Variants in MBD5 observed in about 807,000 individuals in gnomAD.
The protein encoded by MBD5 is methyl-CpG-binding domain protein 5.
In MBD5, 13 loss-of-function variants were observed where a neutral mutation model predicts 117.3. The ratio of observed to expected loss-of-function variants is 0.11; its 90% CI spans 0.07 to 0.18. MBD5 has a LOEUF of 0.18. Among genes scored for constraint, MBD5 ranks in the 10% least tolerant of loss-of-function variants. The pLI is 1.00. For missense variants in MBD5, 1,879 were observed against 2,093.8 expected, an observed-to-expected ratio of 0.90 and a Z score of 2.00; for synonymous variants, 727 against 766.4, an observed-to-expected ratio of 0.95 and a Z score of 0.85.
intron 3 of MBD5, among the ~76,000 whole-genome samples, chr2:148,262,019 A>G (rs1345867078): frequency 6.6e-6 from 1 of 152,294 alleles, no homozygotes; most frequent in East Asian, 1.9e-4. Flanking sequence ...GTGGCACCCC[A>G]AAACAGTTAC....
chr2:148,305,178 T>C (rs1701864921), intron 3 of MBD5, among the ~76,000 whole-genome samples: 1 of 152,110 alleles, frequency 6.6e-6, no homozygotes, highest in African/African-American at 2.4e-5. Context: ...GACTAAACAG[T>C]CAGAGTCACT....
At chr2:148,174,879 CTG>C (rs1311343800) in intron 1 of MBD5, among the ~76,000 whole-genome samples, 1 of 151,840 alleles carries the variant, frequency 6.6e-6, no homozygotes, top group East Asian at 1.9e-4. Context: ...ATGTGGAAAA[CTG>C]TGTGAAGGTT....
At chr2:148,329,489 T>A (rs935988647) in intron 3 of MBD5, among the ~76,000 whole-genome samples, 4 of 152,208 alleles carry the variant, frequency 2.6e-5, no homozygotes, top group African/African-American at 9.7e-5. Context: ...GTTTTATTTA[T>A]AAATAATAAA....
intron 3 of MBD5, among the ~76,000 whole-genome samples, chr2:148,252,876 A>G (rs967349397): frequency 1.3e-5 from 2 of 152,228 alleles, no homozygotes; most frequent in Non-Finnish European, 2.9e-5. Flanking sequence ...TTTAACAAAT[A>G]TCTAGCCATG....
intron 1 of MBD5, among the ~76,000 whole-genome samples, chr2:148,151,739 G>A (rs936020642): frequency 2.0e-5 from 3 of 152,198 alleles, no homozygotes; most frequent in East Asian, 3.9e-4. Flanking sequence ...AGAGGTGTTT[G>A]TAGTATTCTC....
chr2:148,382,321 CAG>C (rs911608036), intron 4 of MBD5, among the ~76,000 whole-genome samples: 56 of 152,234 alleles, frequency 3.7e-4, no homozygotes, highest in African/African-American at 1.3e-3. Flanking sequence ...TCGGATAAAA[CAG>C]ACTTTAAAAC....
intron 4 of MBD5, among the ~76,000 whole-genome samples, chr2:148,423,100 G>A (rs78744977): frequency 1.3e-5 from 2 of 152,016 alleles, no homozygotes; most frequent in Admixed American, 1.3e-4. Flanking sequence ...GATACTCCTC[G>A]AGAAGAGCAA....
chr2:148,148,102 G>A (rs1362961620), intron 1 of MBD5, among the ~76,000 whole-genome samples: 2 of 152,088 alleles, frequency 1.3e-5, no homozygotes, highest in Non-Finnish European at 2.9e-5. Context: ...AGTTGCCACT[G>A]ATTATTTTTG....
intron 1 of MBD5, among the ~76,000 whole-genome samples, chr2:148,098,701 C>T (rs558907970): frequency 2.4e-4 from 37 of 152,142 alleles, no homozygotes; most frequent in African/African-American, 8.9e-4. Flanking sequence ...TCAGAAGTCC[C>T]GTGGTGATTC....
chr2:148,028,081 A>G (rs1393632704), intron 1 of MBD5: 1 of 152,080 alleles, frequency 6.6e-6, no homozygotes, highest in African/African-American at 2.4e-5. Flanking sequence ...GGCTTAACTT[A>G]TATTATGGTA....
intron 1 of MBD5, among the ~76,000 whole-genome samples, chr2:148,128,315 A>G (rs1365945685): frequency 6.6e-6 from 1 of 152,214 alleles, no homozygotes; most frequent in Admixed American, 6.5e-5. Flanking sequence ...AAGCATGTCT[A>G]CATATATTAC....
At chr2:148,226,579 G>A (rs1558980550) in intron 2 of MBD5, among the ~76,000 whole-genome samples, 1 of 152,186 alleles carries the variant, frequency 6.6e-6, no homozygotes, top group Non-Finnish European at 1.5e-5. Context: ...ACATACGTGT[G>A]CATGTGTCTT....
chr2:148,074,486 T>G (rs901412212), intron 1 of MBD5, among the ~76,000 whole-genome samples: 24 of 134,262 alleles, frequency 1.8e-4, no homozygotes, highest in African/African-American at 2.3e-4. Flanking sequence ...AATAGTTTGT[T>G]TTTTTTTTGT....
chr2:148,501,467 G>A (rs1681869749), intron 11 of MBD5, among the ~76,000 whole-genome samples: 1 of 152,162 alleles, frequency 6.6e-6, no homozygotes, highest in East Asian at 1.9e-4. Flanking sequence ...TTGAAACTAT[G>A]CTTACATACC....
intron 3 of MBD5, among the ~76,000 whole-genome samples, chr2:148,296,864 A>ACTT (rs1701665621): frequency 1.6e-5 from 1 of 61,310 alleles, no homozygotes; most frequent in African/African-American, 5.6e-5. Context: ...TAGTTCTTCA[A>ACTT]TTTTTTTTTT....
intron 1 of MBD5, among the ~76,000 whole-genome samples, chr2:148,086,225 T>C (rs1695788666): frequency 2.0e-5 from 3 of 151,946 alleles, no homozygotes; most frequent in Non-Finnish European, 2.9e-5. Flanking sequence ...TCTGAAACTT[T>C]ACTGGCCCTG....
At chr2:148,451,218 A>G (rs1418964756) in intron 4 of MBD5, among the ~76,000 whole-genome samples, 2 of 152,154 alleles carry the variant, frequency 1.3e-5, no homozygotes, top group African/African-American at 2.4e-5. Flanking sequence ...AGCCTGGCAG[A>G]GTTATTGGAT....
chr2:148,245,746 AT>A (rs1466395345), intron 3 of MBD5, among the ~76,000 whole-genome samples: 1 of 152,232 alleles, frequency 6.6e-6, no homozygotes, highest in African/African-American at 2.4e-5. Context: ...CCCACCATTA[AT>A]CACCTTATAG....
rs922991958 is a variant in MBD5 at position 148,152,840 on chromosome 2, C to A, written c.-924-25860C>A. On this transcript the variant is annotated intron_variant, in intron 1 of 13. Transcript: ENST00000642680. ...TTTTGAGCATATGTGTGTCTCTGCA[C>A]GTGAGATGGGTTTACTGAATACAGC... Among the ~76,000 whole-genome samples the A allele has an allele frequency of 3.3e-5, 5 of 151,856 alleles. No homozygotes were observed. In the East Asian group the frequency reaches 9.7e-4, roughly 29 times the overall value.
Sources: gnomAD v4.1 joint callset for allele counts (sites outside exome capture counted in the v4.1 genomes callset) on GRCh38, gnomAD v4.1.1 for gene constraint, MANE v1.5 for transcripts, NCBI Gene and HGNC (gene_info 2026-07-23, HGNC 2026-07-21) for gene names.